Variants in CTTN observed in about 807,000 individuals in gnomAD.
CTTN encodes cortactin.
CTTN carries 28 observed loss-of-function variants against 84.0 expected under a neutral mutation model. That is an observed-to-expected ratio of 0.33 (90% CI 0.25 to 0.46). The LOEUF (loss-of-function observed/expected upper bound fraction) is 0.46, where lower values mean the gene tolerates loss of function less well. CTTN is among the 20% of genes least tolerant of loss of function. CTTN has a pLI of 1.00. For missense variants in CTTN, 641 were observed against 723.8 expected (o/e 0.89, Z 1.31); for synonymous variants, 301 against 288.8 (o/e 1.04, Z -0.43).
intron 15 of CTTN, among the ~76,000 whole-genome samples, chr11:70,431,664 A>G (rs1488378122): frequency 6.6e-6 from 1 of 151,786 alleles, no homozygotes; most frequent in East Asian, 1.9e-4. Flanking sequence ...CTCCTTCATC[A>G]CTGAGCCCCT....
At chr11:70,400,529 T>A (rs1207341809) in intron 1 of CTTN, among the ~76,000 whole-genome samples, 4 of 152,088 alleles carry the variant, frequency 2.6e-5, no homozygotes, top group African/African-American at 9.7e-5. Flanking sequence ...CTGCTGGCCT[T>A]AAGCGATCCT....
In CTTN at chr11:70,407,283, C is replaced by G. The variant is rs2298396; in HGVS notation, c.1-15C>G. 5 of 1,549,194 alleles carry G rather than the reference C, an allele frequency of 3.2e-6. No homozygotes were observed. In the Admixed American group the frequency reaches 9.8e-5, roughly 30 times the overall value. On this transcript the variant is annotated splice_polypyrimidine_tract_variant and intron_variant, in intron 2 of 17. Transcript: ENST00000301843. ...GCCCTGAGGCCTCCGTAACCCTCCCCGGCTGCTCTTTCAGATGTGGAAAGC... is the reference window on the plus strand; with the variant it reads ...GCCCTGAGGCCTCCGTAACCCTCCCGGGCTGCTCTTTCAGATGTGGAAAGC...
chr11:70,407,615 C>T, intron 4 of CTTN, 24 bp downstream of exon 4: 1 of 1,609,710 alleles, frequency 6.2e-7, no homozygotes, highest in Non-Finnish European at 8.5e-7. Flanking sequence ...CCACCACCCT[C>T]CCGAGGGCCC....
chr11:70,418,257 CT>C (rs1565493459), intron 8 of CTTN, among the ~76,000 whole-genome samples: 1 of 152,236 alleles, frequency 6.6e-6, no homozygotes, highest in Non-Finnish European at 1.5e-5. Flanking sequence ...CTGGCCTGGC[CT>C]TGCCTTCCTG....
In CTTN at chr11:70,428,921, A is replaced by G; in HGVS notation, c.1028-130A>G. On this transcript the variant is annotated intron_variant, in intron 13 of 17. Coordinates refer to ENST00000301843, the MANE Select transcript of CTTN (RefSeq NM_005231.4). The stretch of plus-strand genomic sequence containing the variant: ...GTGGGCTGAGCTGGCAGCTGCAAGA[A>G]CCTTTCCCTCCTTGGGGGTTAGGGG... The G allele has an allele frequency of 2.6e-6, 3 of 1,156,196 alleles. No individual in the cohort carries two copies. In the South Asian group the frequency reaches 4.2e-5, roughly 16 times the overall value. The allele number at this position is 1,156,196 out of a possible 1,614,324, so 71.6% of individuals were successfully genotyped here. A position where few individuals can be genotyped will look rare whatever the true frequency, so the allele number is the denominator to read the frequency against.
At chr11:70,422,238 C>T (rs1459789579) in intron 11 of CTTN, 3 of 347,732 alleles carry the variant, frequency 8.6e-6, no homozygotes, top group Middle Eastern at 1.0e-3. Context: ...GTTATTAGAA[C>T]CTGAACACAT....
At chr11:70,399,319 G>A (rs569212789) in intron 1 of CTTN, among the ~76,000 whole-genome samples, 1 of 150,560 alleles carries the variant, frequency 6.6e-6, no homozygotes, top group East Asian at 2.0e-4. Context: ...GGGGCTCGGA[G>A]GAAAGGTATA....
rs921612546 is a variant in CTTN at position 70,435,947 on chromosome 11, G to T, written c.*785G>T. 7.0e-7 allele frequency: 1 copy of T among 1,437,408 alleles called. No individual in the cohort carries two copies. Among genetic ancestry groups the T allele is most frequent in the Non-Finnish European group, 9.1e-7 (1 of 1,103,544 alleles). 89.0% of individuals were successfully genotyped at this position (1,437,408 alleles called of 1,614,324 possible). On this transcript the variant is annotated 3_prime_UTR_variant, in exon 18 of 18. Transcript: ENST00000301843. ...GACGCACAGTGCAGTTGAGGTCTGC[G>T]TCGGGCTTGGCTTTTCACAAAGGCT...
intron 1 of CTTN, among the ~76,000 whole-genome samples, chr11:70,402,018 T>C (rs530158277): frequency 2.6e-5 from 4 of 152,148 alleles, no homozygotes; most frequent in African/African-American, 7.2e-5. Flanking sequence ...CTGGGTGTGA[T>C]GGCGCATGCC....
chr11:70,420,272 C>T (rs1359440426), intron 9 of CTTN, 128 bp from the exon 10 acceptor site: 2 of 689,566 alleles, frequency 2.9e-6, no homozygotes, highest in African/African-American at 3.5e-5. Context: ...TAAAGTATTA[C>T]CAAAGATCCG....
intron 5 of CTTN, among the ~76,000 whole-genome samples, chr11:70,414,269 T>C (rs1281242009): frequency 6.7e-6 from 1 of 150,330 alleles, no homozygotes; most frequent in Non-Finnish European, 1.5e-5. Context: ...GGCGTGAACC[T>C]GGGAGGCGGA....
intron 8 of CTTN, among the ~76,000 whole-genome samples, chr11:70,417,944 G>A (rs1056944463): frequency 3.9e-5 from 6 of 152,206 alleles, no homozygotes. Context: ...CTTGGAGGCT[G>A]TGCTGAGTTC....
intron 2 of CTTN, among the ~76,000 whole-genome samples, chr11:70,406,068 T>A (rs2058038144): frequency 6.6e-6 from 1 of 152,280 alleles, no homozygotes; most frequent in Non-Finnish European, 1.5e-5. Flanking sequence ...ATCTGTTTTC[T>A]AAAATCCTGG....
At position 70,418,121 on chromosome 11, in the gene CTTN, C is replaced by CA. The variant is rs67443900; in HGVS notation, c.568+1012dup. ...GTGAGAGCTTGACTATTTAAAAACT[C>CA]AAAAAAAAAAAAAATTACCCCAAAG... On this transcript the variant is annotated intron_variant, in intron 8 of 17. Transcript: ENST00000301843. Among the ~76,000 whole-genome samples, 828 of 143,296 alleles carry CA rather than the reference C, an allele frequency of 5.8e-3. 15 individuals carry two copies. The highest frequency in any genetic ancestry group is 0.019 in the African/African-American group (713 of 38,452). 94.0% of individuals were successfully genotyped at this position (143,296 alleles called of 152,430 possible).
intron 7 of CTTN, chr11:70,416,635 G>C (rs113509140): frequency 6.8e-4 from 113 of 165,616 alleles, no homozygotes; most frequent in Non-Finnish European, 1.3e-3. Context: ...GTTTTGCCAC[G>C]TTGGCCAGGC....
intron 15 of CTTN, among the ~76,000 whole-genome samples, chr11:70,432,071 G>A (rs1565500633): frequency 6.6e-6 from 1 of 152,154 alleles, no homozygotes; most frequent in African/African-American, 2.4e-5. Flanking sequence ...GAGAGCCCTG[G>A]AGACAGGCCG....
At chr11:70,433,918 C>A (rs1172883298) in intron 17 of CTTN, among the ~76,000 whole-genome samples, 200 bp downstream of exon 17, 1 of 152,192 alleles carries the variant, frequency 6.6e-6, no homozygotes. Context: ...TCTGCACACA[C>A]ACGCACACAC....
At chr11:70,404,789 G>T (rs2058024009) in intron 1 of CTTN, among the ~76,000 whole-genome samples, 1 of 152,142 alleles carries the variant, frequency 6.6e-6, no homozygotes, top group Admixed American at 6.5e-5. Flanking sequence ...GATCACCTGA[G>T]GTCGGGAGTT....
intron 14 of CTTN, among the ~76,000 whole-genome samples, chr11:70,430,845 G>A (rs914556530): frequency 3.3e-5 from 5 of 152,180 alleles, no homozygotes; most frequent in South Asian, 4.1e-4. Flanking sequence ...GCACTGTCGC[G>A]TCACTGGCTG....
Sources: allele counts gnomAD v4.1 joint callset (sites outside exome capture counted in the v4.1 genomes callset), GRCh38; gene constraint gnomAD v4.1.1; transcripts MANE v1.5; gene names NCBI Gene and HGNC (gene_info 2026-07-23, HGNC 2026-07-21).